The following DPF3 variants were observed in gnomAD, a reference collection of about 807,000 sequenced individuals.
The protein encoded by DPF3 is zinc finger protein DPF3.
Under a neutral mutation model 56.8 loss-of-function variants are expected in DPF3, and 18 were observed. That is an observed-to-expected ratio of 0.32 (90% CI 0.22 to 0.47). DPF3 has a LOEUF of 0.47. DPF3 is among the 20% of genes least tolerant of loss of function. DPF3 has a pLI of 1.00. For synonymous variants in DPF3, 188 were observed against 180.2 expected (o/e 1.04, Z -0.35); for missense variants, 403 against 488.8 (o/e 0.82, Z 1.65).
intron 1 of DPF3, among the ~76,000 whole-genome samples, chr14:72,829,651 T>C (rs1718360322): frequency 1.3e-5 from 2 of 152,214 alleles, no homozygotes; most frequent in African/African-American, 4.8e-5. Flanking sequence ...CCCAAAGTGC[T>C]GGGATTACAG....
At chr14:72,672,687 A>T (rs1216056652) in intron 8 of DPF3, among the ~76,000 whole-genome samples, 2 of 152,178 alleles carry the variant, frequency 1.3e-5, no homozygotes, top group Non-Finnish European at 2.9e-5. Context: ...CCCACTCCTG[A>T]CATCCCATGG....
chr14:72,631,690 G>A (rs1297508732), intron 8 of DPF3, among the ~76,000 whole-genome samples: 1 of 152,220 alleles, frequency 6.6e-6, no homozygotes, highest in Non-Finnish European at 1.5e-5. Context: ...AGGCCATTGT[G>A]CTAGACAGAA....
chr14:72,882,768 CT>C (rs1243784017), intron 1 of DPF3, among the ~76,000 whole-genome samples: 2 of 152,164 alleles, frequency 1.3e-5, no homozygotes, highest in African/African-American at 4.8e-5. Flanking sequence ...CCACCCTGCC[CT>C]CCCCCTATCA....
intron 8 of DPF3, among the ~76,000 whole-genome samples, chr14:72,665,635 C>G (rs1468117477): frequency 6.6e-6 from 1 of 152,182 alleles, no homozygotes; most frequent in African/African-American, 2.4e-5. Context: ...TTGTGAAAAA[C>G]AAGATTGTAG....
intron 1 of DPF3, among the ~76,000 whole-genome samples, chr14:72,839,101 A>G (rs1884443885): frequency 6.6e-6 from 1 of 151,148 alleles, no homozygotes; most frequent in South Asian, 2.1e-4. Context: ...TTGTATTTTT[A>G]GTAGAGACGG....
At position 72,849,931 on chromosome 14, in the gene DPF3, A is replaced by G. The variant is rs182285230; in HGVS notation, c.32+44126T>C. 1.3e-4 allele frequency among the ~76,000 whole-genome samples: 20 copies of G among 152,318 alleles called. No individual in the cohort carries two copies. The East Asian group carries it at 3.9e-3, about 29-fold the overall frequency. On this transcript the variant is annotated intron_variant, in intron 1 of 10. Coordinates refer to ENST00000556509, the MANE Select transcript of DPF3 (RefSeq NM_001280542.3). The stretch of plus-strand genomic sequence containing the variant: ...TCAGGAGTTCAAGACCAGCCTGACC[A>G]ACATGGTGAAACCACATCTTTACTT...
At chr14:72,746,382 T>C (rs966127113) in intron 3 of DPF3, among the ~76,000 whole-genome samples, 16 of 152,290 alleles carry the variant, frequency 1.1e-4, no homozygotes, top group African/African-American at 3.4e-4. Flanking sequence ...GCTGGCATGG[T>C]GGTACATTCT....
intron 1 of DPF3, among the ~76,000 whole-genome samples, chr14:72,777,805 T>C (rs978973025): frequency 3.9e-5 from 6 of 152,266 alleles, no homozygotes; most frequent in East Asian, 1.9e-4. Flanking sequence ...GCCATGATTG[T>C]AAGTTTCCTG....
intron 7 of DPF3, among the ~76,000 whole-genome samples, chr14:72,685,022 C>A (rs1240986953): frequency 1.3e-5 from 2 of 152,238 alleles, no homozygotes; most frequent in African/African-American, 4.8e-5. Context: ...TCACCACACT[C>A]TGACCCTACC....
intron 1 of DPF3, among the ~76,000 whole-genome samples, chr14:72,876,049 G>T (rs1351249766): frequency 6.6e-6 from 1 of 152,224 alleles, no homozygotes; most frequent in Non-Finnish European, 1.5e-5. Flanking sequence ...TGAAGAAGAA[G>T]AAGAAGAGGA....
intron 1 of DPF3, among the ~76,000 whole-genome samples, chr14:72,795,209 T>C (rs1428100955): frequency 6.7e-6 from 1 of 149,036 alleles, no homozygotes; most frequent in Non-Finnish European, 1.5e-5. Context: ...GTCAAAGCAA[T>C]GGTGAAGAAT....
chr14:72,777,564 C>T (rs79398464), intron 1 of DPF3, among the ~76,000 whole-genome samples: 2 of 152,226 alleles, frequency 1.3e-5, no homozygotes, highest in East Asian at 3.9e-4. Context: ...TTGATATTTA[C>T]CCCTGCCCAA....
At chr14:72,787,947 G>A (rs137895831) in intron 1 of DPF3, among the ~76,000 whole-genome samples, 7 of 152,272 alleles carry the variant, frequency 4.6e-5, no homozygotes, top group African/African-American at 9.6e-5. Context: ...GAGAATATTC[G>A]CCAAAGTGTG....
intron 2 of DPF3, among the ~76,000 whole-genome samples, chr14:72,754,349 A>G (rs948617765): frequency 3.3e-5 from 5 of 152,328 alleles, no homozygotes; most frequent in Non-Finnish European, 7.3e-5. Flanking sequence ...TAAACCAGCA[A>G]GCCAACAAAT....
chr14:72,646,893 GC>G (rs1282227380), intron 8 of DPF3, among the ~76,000 whole-genome samples: 3 of 152,200 alleles, frequency 2.0e-5, no homozygotes, highest in Non-Finnish European at 4.4e-5. Context: ...TAATTCCCCT[GC>G]CCTGGAGTGG....
rs1886299883 is a variant in DPF3, at chr14:72,663,218, CT to C, written c.871+11021del. ...CACTTAGAAACCAAACAAACTGAAT[CT>C]TTTCACAGTTAAAACACCCCAGAAA... On this transcript the variant is annotated intron_variant, in intron 8 of 10. Transcript: ENST00000556509. Among the ~76,000 whole-genome samples, 3 of 145,870 alleles carry C rather than the reference CT, an allele frequency of 2.1e-5. No individual in the cohort carries two copies. The South Asian group carries it at 6.9e-4, about 34-fold the overall frequency.
At chr14:72,840,055 T>C (rs1023657834) in intron 1 of DPF3, among the ~76,000 whole-genome samples, 2 of 152,198 alleles carry the variant, frequency 1.3e-5, no homozygotes, top group African/African-American at 4.8e-5. Flanking sequence ...TAAAAATACC[T>C]GACCTTGAAA....
chr14:72,644,109 C>A (rs1885642452), intron 8 of DPF3, among the ~76,000 whole-genome samples: 1 of 152,174 alleles, frequency 6.6e-6, no homozygotes, highest in African/African-American at 2.4e-5. Flanking sequence ...GTGTCTTGAG[C>A]CCTGGAGACA....
At chr14:72,735,097 A>G (rs1889835260) in intron 3 of DPF3, among the ~76,000 whole-genome samples, 1 of 151,934 alleles carries the variant, frequency 6.6e-6, no homozygotes. Flanking sequence ...CAGTCACCTA[A>G]TTAGGCTGCA....
Sources: allele counts gnomAD v4.1 joint callset (sites outside exome capture counted in the v4.1 genomes callset), GRCh38; gene constraint gnomAD v4.1.1; transcripts MANE v1.5; gene names NCBI Gene and HGNC (gene_info 2026-07-23, HGNC 2026-07-21).